The following MNS1 variants were observed in gnomAD, a reference collection of about 807,000 sequenced individuals.
MNS1 encodes the protein meiosis specific nuclear structural 1.
A neutral mutation model predicts 72.0 loss-of-function variants in MNS1; 63 were observed. That is an observed-to-expected ratio of 0.87 (90% CI 0.71 to 1.08). MNS1 has a LOEUF of 1.08. Among genes scored for constraint, MNS1 ranks in the 50% least tolerant of loss-of-function variants. The probability of loss-of-function intolerance (pLI) is 0.00; values close to 1 mark genes in which losing one functional copy is unlikely to be tolerated. For missense variants in MNS1, 604 were observed against 562.4 expected, an observed-to-expected ratio of 1.07 and a Z score of -0.75; for synonymous variants, 188 against 172.1, an observed-to-expected ratio of 1.09 and a Z score of -0.72.
At position 56,460,005 on chromosome 15, in the gene MNS1, A is replaced by ATATATATATATATATATATATATAT. The variant is rs1374166252; in HGVS notation, c.226-3485_226-3484insATATATATATATATATATATATATA. On this transcript the variant is annotated intron_variant, in intron 2 of 9. Transcript: ENST00000260453. ...AATTCTGTCTCAAAAAAAAAAAAAA[A>ATATATATATATATATATATATATAT]AAAAATACATATATATATATATATA... Among the ~76,000 whole-genome samples, 2 of 30,516 alleles carry ATATATATATATATATATATATATAT rather than the reference A, an allele frequency of 6.6e-5. 1 individual carries two copies. The highest frequency in any genetic ancestry group is 2.4e-4 in the African/African-American group (2 of 8,438). 20.0% of individuals were successfully genotyped at this position (30,516 alleles called of 152,430 possible).
At chr15:56,429,850 T>C (rs1421836829) in intron 9 of MNS1, 1 of 152,174 alleles carries the variant, frequency 6.6e-6, no homozygotes, top group African/African-American at 2.4e-5. Flanking sequence ...GGATATCAAG[T>C]TTATTAATCC....
At chr15:56,447,953 C>T (rs949425881) in intron 3 of MNS1, among the ~76,000 whole-genome samples, 5 of 152,164 alleles carry the variant, frequency 3.3e-5, no homozygotes, top group Non-Finnish European at 5.9e-5. Context: ...TCAAATACAT[C>T]CATTTATTGC....
At chr15:56,451,109 T>G (rs1343420804) in intron 3 of MNS1, among the ~76,000 whole-genome samples, 1 of 152,238 alleles carries the variant, frequency 6.6e-6, no homozygotes, top group Non-Finnish European at 1.5e-5. Context: ...GTTCTTTATA[T>G]ATTTCAGATA....
rs770885163 is a variant in MNS1 at position 56,443,592 on chromosome 15, A to G, written c.903+46T>C. 4 of 1,584,546 alleles carry G rather than the reference A, an allele frequency of 2.5e-6. No individual in the cohort carries two copies. In the African/African-American group the frequency reaches 4.1e-5, roughly 16 times the overall value. On this transcript the variant is annotated intron_variant, in intron 6 of 9. Transcript: ENST00000260453. ...TTATAGGATCCAAATTCTGTAACTA[A>G]TATTTCAGAATTTTACTAGTGTTAA...
At chr15:56,437,484 T>C (rs567053542) in intron 7 of MNS1, among the ~76,000 whole-genome samples, 63 of 152,162 alleles carry the variant, frequency 4.1e-4, no homozygotes, top group African/African-American at 1.4e-3. Context: ...TAAGAGCTAT[T>C]TATGACAAAC....
At chr15:56,443,148 A>G (rs543322074) in intron 7 of MNS1, among the ~76,000 whole-genome samples, 1 of 152,280 alleles carries the variant, frequency 6.6e-6, no homozygotes, top group Non-Finnish European at 1.5e-5. Flanking sequence ...TATGTTACGT[A>G]TCTTTCACCA....
rs754241234 is a variant in MNS1 at position 56,444,443 on chromosome 15, C to A, written c.686+1G>T. The A allele has an allele frequency of 1.9e-6, 3 of 1,602,436 alleles. No homozygotes were observed. The highest frequency in any genetic ancestry group is 1.3e-5 in the African/African-American group (1 of 74,252). The stretch of plus-strand genomic sequence containing the variant: ...ATGTAAGAAAGTTAGGATAAACTTA[C>A]AACTGATCTTCTTCATAGATCTTCC... On this transcript the variant is annotated splice_donor_variant, in intron 5 of 9. Transcript: ENST00000260453. LOFTEE classifies it high-confidence loss of function.
Position 56,443,777 on chromosome 15 carries a change from CAG to C in MNS1, c.762_763del (p.Trp255GlufsTer6). ...CATCTCCTCACGTTTCTTTTTTCTC[CAG>C]AGAGCCTGCTCTTTCTGAAACTCTT... On this transcript the variant is annotated frameshift_variant, in exon 6 of 10. Transcript: ENST00000260453. LOFTEE classifies it high-confidence loss of function. 1 of 1,612,948 alleles carries C rather than the reference CAG, an allele frequency of 6.2e-7. No individual in the cohort carries two copies. The highest frequency in any genetic ancestry group is 8.5e-7 in the Non-Finnish European group (1 of 1,179,612).
At chr15:56,440,741 T>C (rs533058055) in intron 7 of MNS1, among the ~76,000 whole-genome samples, 25 of 152,352 alleles carry the variant, frequency 1.6e-4, no homozygotes, top group African/African-American at 4.8e-4. Context: ...TGATATCATT[T>C]ATATAACATT....
intron 2 of MNS1, among the ~76,000 whole-genome samples, chr15:56,459,568 C>T (rs1242759257): frequency 1.3e-5 from 2 of 152,090 alleles, no homozygotes; most frequent in African/African-American, 2.4e-5. Flanking sequence ...TGTGGTAATT[C>T]GTTACTTAGC....
Position 56,443,859 on chromosome 15 carries a change from A to C in MNS1, c.687-5T>G, listed in dbSNP as rs756952633. The C allele has an allele frequency of 6.3e-7, 1 of 1,589,156 alleles. No homozygotes were observed. The highest frequency in any genetic ancestry group is 1.4e-5 in the African/African-American group (1 of 73,764). ...TCTAACTTTTGTTGTTTTTCCCTGA[A>C]AAGCAATAACAAGTACAGATTTATA... On this transcript the variant is annotated splice_polypyrimidine_tract_variant and splice_region_variant and intron_variant, in intron 5 of 9. Transcript: ENST00000260453.
At position 56,446,903 on chromosome 15, in the gene MNS1, A is replaced by T. The variant is rs1304898136; in HGVS notation, c.394T>A (p.Tyr132Asn). ...RELEKKLKAA[Y>N]MNKERAAQIA... ...TGAGCTGCCCTTTCTTTATTCATGT[A>T]AGCTGCTTTTAATTTCTTCTCCAAT... The change falls in exon 4 of 10, where the codon TAC (tyrosine) becomes AAC (asparagine). Residue 132 changes from tyrosine (Y) to asparagine (N), a missense_variant. By Grantham distance (143) the Tyr-to-Asn change is moderately radical. Coordinates refer to ENST00000260453, the MANE Select transcript of MNS1 (RefSeq NM_018365.4). The T allele has an allele frequency of 1.9e-6, 3 of 1,610,018 alleles. No individual in the cohort carries two copies. The African/African-American group carries it at 4.0e-5, about 22-fold the overall frequency.
At chr15:56,437,819 A>G (rs1443482907) in intron 7 of MNS1, among the ~76,000 whole-genome samples, 3 of 152,186 alleles carry the variant, frequency 2.0e-5, no homozygotes, top group Non-Finnish European at 4.4e-5. Context: ...TTATACACCA[A>G]TAACAGACAG....
At chr15:56,460,727 C>G (rs1302352757) in intron 2 of MNS1, among the ~76,000 whole-genome samples, 3 of 152,074 alleles carry the variant, frequency 2.0e-5, no homozygotes, top group Non-Finnish European at 2.9e-5. Flanking sequence ...AATGATAACC[C>G]AAGAATTATG....
intron 2 of MNS1, among the ~76,000 whole-genome samples, chr15:56,460,181 A>G (rs1270604371): frequency 1.3e-5 from 2 of 150,740 alleles, no homozygotes; most frequent in Non-Finnish European, 1.5e-5. Context: ...GGGTTGCAAC[A>G]TTTTCCATAT....
At chr15:56,439,396 G>A (rs1438664263) in intron 7 of MNS1, among the ~76,000 whole-genome samples, 1 of 151,860 alleles carries the variant, frequency 6.6e-6, no homozygotes, top group East Asian at 1.9e-4. Flanking sequence ...TATTTATAGA[G>A]ACAAGATTCT....
intron 2 of MNS1, 32 bp from the exon 3 acceptor site, chr15:56,456,553 C>T: frequency 6.3e-7 from 1 of 1,591,040 alleles, no homozygotes; most frequent in Non-Finnish European, 8.5e-7. Flanking sequence ...GTTGTTTGTC[C>T]TCTAGAATCA....
In MNS1 at chr15:56,444,650, T is replaced by G. The variant is rs369837125; in HGVS notation, c.480A>C (p.Lys160Asn). The G allele has an allele frequency of 1.2e-4, 198 of 1,609,172 alleles. No homozygotes were observed. The highest frequency in any genetic ancestry group is 1.5e-4 in the Non-Finnish European group (177 of 1,178,670). The change falls in exon 5 of 10, where the codon AAA becomes AAC. Residue 160 changes from lysine (K) to asparagine (N), a missense_variant. By Grantham distance (94) the Lys-to-Asn change is moderately conservative. Coordinates refer to ENST00000260453, the MANE Select transcript of MNS1 (RefSeq NM_018365.4). Reference protein sequence around the residue: ...EQMKRDAEIAKTMMEEHKRII... With the variant: ...EQMKRDAEIANTMMEEHKRII... ...TTCTCTTGTGTTCTTCCATCATGGTTTTGGCTATTTCAGCATCACGTTTCT... is the reference window on the plus strand; with the variant it reads ...TTCTCTTGTGTTCTTCCATCATGGTGTTGGCTATTTCAGCATCACGTTTCT...
chr15:56,437,721 T>C (rs1324358860), intron 7 of MNS1, among the ~76,000 whole-genome samples: 8 of 152,124 alleles, frequency 5.3e-5, no homozygotes, highest in African/African-American at 1.7e-4. Flanking sequence ...AAAACCCCAT[T>C]GTCTCAGCCC....
Sources: gnomAD v4.1 joint callset for allele counts (sites outside exome capture counted in the v4.1 genomes callset) on GRCh38, gnomAD v4.1.1 for gene constraint, MANE v1.5 for transcripts, NCBI Gene and HGNC (gene_info 2026-07-23, HGNC 2026-07-21) for gene names.